ZFP64: variants seen among roughly 807,000 people sequenced by gnomAD.
ZFP64 encodes the protein ZFP64 zinc finger protein.
A neutral mutation model predicts 51.6 loss-of-function variants in ZFP64; 14 were observed. The observed-to-expected ratio is 0.27, with a 90% CI of 0.18 to 0.42. The LOEUF (loss-of-function observed/expected upper bound fraction) is 0.42, where lower values mean the gene tolerates loss of function less well. Ranked by LOEUF, ZFP64 falls within the 10% of genes least tolerant of loss-of-function variation. The pLI, the probability that ZFP64 is intolerant of heterozygous loss-of-function variation, is 1.00. For synonymous variants in ZFP64, 375 were observed against 361.4 expected (o/e 1.04, Z -0.43); for missense variants, 754 against 906.8 (o/e 0.83, Z 2.16).
chr20:52,117,626 A>G (rs1367735343), intron 5 of ZFP64: 1 of 456,504 alleles, frequency 2.2e-6, no homozygotes, highest in South Asian at 1.5e-5. Context: ...CTCAAAAGAA[A>G]ACAAAACAAA....
chr20:52,178,031 C>CA (rs112472792), intron 2 of ZFP64, among the ~76,000 whole-genome samples: 14,756 of 85,830 alleles, frequency 0.17, 919 homozygotes, highest in African/African-American at 0.23. Context: ...GCCTCTGTCT[C>CA]AAAAAAAAAA....
intron 5 of ZFP64, among the ~76,000 whole-genome samples, chr20:52,135,359 A>G (rs1263870144): frequency 6.6e-6 from 1 of 152,210 alleles, no homozygotes; most frequent in Non-Finnish European, 1.5e-5. Flanking sequence ...AACAGAGAAG[A>G]TATGGCCCAC....
intron 4 of ZFP64, among the ~76,000 whole-genome samples, chr20:52,161,517 C>T (rs1041372750): frequency 9.1e-5 from 13 of 142,112 alleles, no homozygotes; most frequent in Admixed American, 2.9e-4. Flanking sequence ...CTTGCATGTA[C>T]GGTAATTTCG....
chr20:52,177,527 G>A (rs966395231), intron 2 of ZFP64, among the ~76,000 whole-genome samples: 1 of 152,068 alleles, frequency 6.6e-6, no homozygotes. Context: ...GCTTGTGGGT[G>A]TGCCTGAGAG....
intron 5 of ZFP64, among the ~76,000 whole-genome samples, chr20:52,099,031 T>C (rs1194348013): frequency 1.4e-5 from 2 of 142,788 alleles, no homozygotes; most frequent in South Asian, 2.2e-4. Flanking sequence ...AAGCAAGCCA[T>C]GTATGCTCTG....
intron 6 of ZFP64, among the ~76,000 whole-genome samples, chr20:52,097,711 C>T (rs540404432): frequency 1.1e-4 from 16 of 152,146 alleles, no homozygotes; most frequent in Non-Finnish European, 1.6e-4. Flanking sequence ...CTGCCCGCCC[C>T]GGCTTCCCAA....
At chr20:52,100,470 T>C (rs952602340) in intron 5 of ZFP64, among the ~76,000 whole-genome samples, 15 of 152,142 alleles carry the variant, frequency 9.9e-5, no homozygotes, top group African/African-American at 3.6e-4. Context: ...GGTCTTGAAC[T>C]CCTGACCTCA....
chr20:52,152,094 A>C lies in ZFP64; in HGVS notation c.*52T>G. 6.4e-7 allele frequency: 1 copy of C among 1,566,986 alleles called. No individual in the cohort carries two copies. The highest frequency in any genetic ancestry group is 8.6e-7 in the Non-Finnish European group (1 of 1,157,880). On this transcript the variant is annotated 3_prime_UTR_variant, in exon 6 of 6. Coordinates refer to ENST00000216923, the MANE Select transcript of ZFP64 (RefSeq NM_018197.3). ...GCAAACCTTTTAGAGAATTCTACTT[A>C]AGATTTCTTTTTCTCAATTCCTTTC...
rs1980858364 is a variant in ZFP64, at chr20:52,152,143, G to A, written c.*3C>T. 1 of 1,607,566 alleles carries A rather than the reference G, an allele frequency of 6.2e-7. No individual in the cohort carries two copies. The highest frequency in any genetic ancestry group is 2.2e-5 in the East Asian group (1 of 44,692). On this transcript the variant is annotated 3_prime_UTR_variant, in exon 6 of 6. Transcript: ENST00000216923. ...TCCCCCACTCCTTTTGTTTTTTTAAGCACTAATCTGGAATGGAGTCGGCGG... is the reference window on the plus strand; with the variant it reads ...TCCCCCACTCCTTTTGTTTTTTTAAACACTAATCTGGAATGGAGTCGGCGG...
In ZFP64 at chr20:52,152,810, A is replaced by C. The variant is rs1485371091; in HGVS notation, c.1382T>G (p.Leu461Arg). The change falls in exon 6 of 6, where the codon CTC becomes CGC. Residue 461 changes from leucine (L) to arginine (R), a missense_variant. Physicochemically the swap from Leu to Arg is moderately radical, Grantham distance 102. This residue lies in a region of ZFP64 where 428 missense variants were observed against 472.4 expected (regional missense o/e 0.91). Coordinates refer to ENST00000216923, the MANE Select transcript of ZFP64 (RefSeq NM_018197.3). ...CTTGCTGGGGTCGATCTGAAACTGG[A>C]GAACGGTCACGTCCGAGTTCTTACT... ...SESKNSDVTV[L>R]QFQIDPSKQP... The C allele has an allele frequency of 6.2e-7, 1 of 1,612,130 alleles. No homozygotes were observed. Among genetic ancestry groups the C allele is most frequent in the South Asian group, 1.1e-5 (1 of 91,050 alleles).
chr20:52,111,341 C>G (rs1978568514), intron 5 of ZFP64, among the ~76,000 whole-genome samples: 1 of 151,686 alleles, frequency 6.6e-6, no homozygotes, highest in African/African-American at 2.4e-5. Flanking sequence ...CTCAGCCTCC[C>G]AAGTAGCTGG....
chr20:52,173,956 C>A (rs1258252396), intron 2 of ZFP64, among the ~76,000 whole-genome samples: 1 of 152,090 alleles, frequency 6.6e-6, no homozygotes, highest in African/African-American at 2.4e-5. Flanking sequence ...CAGCCTACAT[C>A]CTTACTTTTT....
intron 5 of ZFP64, among the ~76,000 whole-genome samples, chr20:52,144,309 G>T (rs1980404183): frequency 7.1e-6 from 1 of 141,804 alleles, no homozygotes; most frequent in African/African-American, 2.5e-5. Context: ...GCCAGGCATG[G>T]TGGCTCACAC....
At chr20:52,103,300 A>G (rs756238141) in intron 5 of ZFP64, among the ~76,000 whole-genome samples, 6 of 152,194 alleles carry the variant, frequency 3.9e-5, no homozygotes, top group South Asian at 2.1e-4. Context: ...TTCCTCCAAA[A>G]GCTACTTGAG....
rs1354854014 is a variant in ZFP64, at chr20:52,151,662, A to C, written c.*484T>G. The stretch of plus-strand genomic sequence containing the variant: ...AATGCGACGATTCAGAGGTGGTCTC[A>C]AAGTTGTTACAGTGTTAAAAAAATT... On this transcript the variant is annotated 3_prime_UTR_variant, in exon 6 of 6. Transcript: ENST00000216923. 1 of 991,104 alleles carries C rather than the reference A, an allele frequency of 1.0e-6. No homozygotes were observed. Among genetic ancestry groups the C allele is most frequent in the African/African-American group, 1.7e-5 (1 of 57,280 alleles). The allele number at this position is 991,104 out of a possible 1,614,324, so 61.4% of individuals were successfully genotyped here.
rs6096763 is a variant in ZFP64 at position 52,115,928 on chromosome 20, G to A, written c.764-17341C>T. On this transcript the variant is annotated intron_variant, in intron 5 of 8. Coordinates refer to the ZFP64 transcript ENST00000361387. ...TGGCTCACGGCAGCCTCCATCTCCCGGATTTAAGCGATTCTCCTGCTTCAG... is the reference window on the plus strand; with the variant it reads ...TGGCTCACGGCAGCCTCCATCTCCCAGATTTAAGCGATTCTCCTGCTTCAG... Among the ~76,000 whole-genome samples, 285 of 151,940 alleles carry A rather than the reference G, an allele frequency of 1.9e-3. 1 individual carries two copies. The highest frequency in any genetic ancestry group is 6.5e-3 in the African/African-American group (268 of 41,444).
intron 4 of ZFP64, among the ~76,000 whole-genome samples, chr20:52,161,446 C>CTT (rs1236301796): frequency 1.8e-4 from 23 of 127,716 alleles, no homozygotes; most frequent in South Asian, 7.3e-4. Flanking sequence ...CTTGTGATTG[C>CTT]TTTCTTTTTT....
Position 52,085,838 on chromosome 20 carries a change from C to T in ZFP64, c.1229-572G>A, listed in dbSNP as rs556713670. ...GCAGCAGGGGACAAATAATAAAGAG[C>T]CATGGTCTTTAGAGTCCCATTCCCT... On this transcript the variant is annotated intron_variant, in intron 8 of 8. Coordinates refer to the ZFP64 transcript ENST00000361387. The surrounding 1 kb of genome is among the most constrained non-coding windows in gnomAD (Gnocchi z 4.3). 6.6e-6 allele frequency among the ~76,000 whole-genome samples: 1 copy of T among 152,246 alleles called. No individual in the cohort carries two copies. The highest frequency in any genetic ancestry group is 1.9e-4 in the East Asian group (1 of 5,192).
At chr20:52,166,082 T>A in intron 2 of ZFP64, 57 bp from the exon 3 acceptor site, 1 of 1,519,050 alleles carries the variant, frequency 6.6e-7, no homozygotes, top group Non-Finnish European at 8.8e-7. Flanking sequence ...AGCTATGGTG[T>A]CTGCCTACTT....
Sources: gnomAD v4.1 joint callset for allele counts (sites outside exome capture counted in the v4.1 genomes callset) on GRCh38, gnomAD v4.1.1 for gene constraint, gnomAD v4.1.1 regional missense constraint, Gnocchi (gnomAD v3.1) non-coding constraint, MANE v1.5 for transcripts, NCBI Gene and HGNC (gene_info 2026-07-23, HGNC 2026-07-21) for gene names.